The following PLCH1 variants were observed in gnomAD, a reference collection of about 807,000 sequenced individuals.
The protein encoded by PLCH1 is phospholipase C eta 1.
PLCH1 carries 60 observed loss-of-function variants against 126.7 expected under a neutral mutation model. That is an observed-to-expected ratio of 0.47 (90% CI 0.38 to 0.59). The LOEUF (loss-of-function observed/expected upper bound fraction) is 0.59, where lower values mean the gene tolerates loss of function less well. Among genes scored for constraint, PLCH1 ranks in the 20% least tolerant of loss-of-function variants. PLCH1 has a pLI of 0.00. For synonymous variants in PLCH1, 719 were observed against 734.9 expected, an observed-to-expected ratio of 0.98 and a Z score of 0.35; for missense variants, 1,723 against 2,040.0, an observed-to-expected ratio of 0.84 and a Z score of 2.99.
intron 2 of PLCH1, among the ~76,000 whole-genome samples, chr3:155,628,778 G>A (rs1559867239): frequency 6.6e-6 from 1 of 152,180 alleles, no homozygotes; most frequent in Non-Finnish European, 1.5e-5. Context: ...TATTTAAAGA[G>A]AAAGGGATGA....
chr3:155,452,368 T>C (rs1471051137), intron 21 of PLCH1, among the ~76,000 whole-genome samples: 1 of 152,154 alleles, frequency 6.6e-6, no homozygotes, highest in Non-Finnish European at 1.5e-5. Context: ...TATGGGAGTA[T>C]AATTCAAGGT....
intron 2 of PLCH1, among the ~76,000 whole-genome samples, chr3:155,702,520 T>C (rs1479922888): frequency 6.6e-6 from 1 of 152,172 alleles, no homozygotes; most frequent in Non-Finnish European, 1.5e-5. Flanking sequence ...GGATTCCGTA[T>C]GACAATGTTA....
At position 155,704,267 on chromosome 3, in the gene PLCH1, G is replaced by T; in HGVS notation, c.-40-3C>A. 1.2e-6 allele frequency: 1 copy of T among 858,746 alleles called. No homozygotes were observed. The highest frequency in any genetic ancestry group is 1.5e-6 in the Non-Finnish European group (1 of 647,048). 53.2% of individuals were successfully genotyped at this position (858,746 alleles called of 1,614,324 possible). The stretch of plus-strand genomic sequence containing the variant: ...CACAGCATCAAAACCAAATTGCCCT[G>T]TCAAGGGAAACAGAATGAGACAAAA... On this transcript the variant is annotated splice_polypyrimidine_tract_variant and splice_region_variant and intron_variant, in intron 1 of 22. Transcript: ENST00000460012.
rs1246517810 is a variant in PLCH1, at chr3:155,523,936, T to G, written c.1431A>C (p.Ala477=). 1 of 1,607,246 alleles carries G rather than the reference T, an allele frequency of 6.2e-7. No individual in the cohort carries two copies. Among genetic ancestry groups the G allele is most frequent in the Non-Finnish European group, 8.5e-7 (1 of 1,176,768 alleles). The change falls in exon 11 of 23, where the codon GCA becomes GCC. Residue 477 remains alanine, a synonymous_variant. Transcript: ENST00000460012. ...EEGEVSDEDS[A]DEIEDECKFK... is the part of the protein sequence containing the mutation. ...ATTTGCACTCGTCTTCAATTTCATC[T>G]GCACTGTCCTCATCAGAAACTTCCC...
chr3:155,594,373 C>A (rs1443561102), intron 3 of PLCH1, among the ~76,000 whole-genome samples, 189 bp from the exon 4 acceptor site: 2 of 151,808 alleles, frequency 1.3e-5, no homozygotes, highest in Non-Finnish European at 2.9e-5. Flanking sequence ...GAGTTCGAGA[C>A]CAGCCTGGGC....
In PLCH1 at chr3:155,591,420, G is replaced by A. The variant is rs1732155009; in HGVS notation, c.470+2521C>T. Among the ~76,000 whole-genome samples, 7 of 152,148 alleles carry A rather than the reference G, an allele frequency of 4.6e-5. No individual in the cohort carries two copies. The South Asian group carries it at 1.2e-3, about 27-fold the overall frequency. ...AGGTTCCCCCCTTTTCCAACTACATGTCTGTGTGAGGCCAGATTTTCTTCG... is the reference window on the plus strand; with the variant it reads ...AGGTTCCCCCCTTTTCCAACTACATATCTGTGTGAGGCCAGATTTTCTTCG... On this transcript the variant is annotated intron_variant, in intron 4 of 22. Coordinates refer to ENST00000460012, the MANE Select transcript of PLCH1 (RefSeq NM_014996.4).
intron 2 of PLCH1, among the ~76,000 whole-genome samples, chr3:155,641,814 T>C (rs1164853183): frequency 6.6e-6 from 1 of 152,122 alleles, no homozygotes; most frequent in Non-Finnish European, 1.5e-5. Flanking sequence ...TGAAAACTTA[T>C]ACTAAAACCT....
intron 1 of PLCH1, among the ~76,000 whole-genome samples, chr3:155,744,438 A>G (rs913827251): frequency 6.6e-6 from 1 of 152,170 alleles, no homozygotes; most frequent in Non-Finnish European, 1.5e-5. Flanking sequence ...GGAAACGCGG[A>G]CCTGCTCTCC....
At chr3:155,587,773 G>T (rs1020069071) in intron 4 of PLCH1, among the ~76,000 whole-genome samples, 1 of 152,170 alleles carries the variant, frequency 6.6e-6, no homozygotes, top group Non-Finnish European at 1.5e-5. Context: ...CAGATGAAAT[G>T]GTAACACAGG....
chr3:155,455,140 G>A (rs889820840), intron 21 of PLCH1, among the ~76,000 whole-genome samples: 2 of 152,074 alleles, frequency 1.3e-5, no homozygotes, highest in Non-Finnish European at 2.9e-5. Flanking sequence ...TTGTGTCACC[G>A]GAATGTGATG....
chr3:155,511,428 G>A (rs1398079623), intron 12 of PLCH1, among the ~76,000 whole-genome samples: 8 of 99,816 alleles, frequency 8.0e-5, no homozygotes, highest in African/African-American at 3.8e-4. Context: ...GAGGAGAGGC[G>A]CTCTGCGTTT....
intron 2 of PLCH1, among the ~76,000 whole-genome samples, chr3:155,677,087 C>T (rs935365348): frequency 1.8e-4 from 28 of 152,234 alleles, no homozygotes; most frequent in Non-Finnish European, 3.8e-4. Context: ...GCCTCTCATC[C>T]TGAGTATTAA....
chr3:155,488,461 T>C (rs930971421), intron 20 of PLCH1, among the ~76,000 whole-genome samples, 199 bp downstream of exon 20: 4 of 152,144 alleles, frequency 2.6e-5, no homozygotes, highest in Non-Finnish European at 5.9e-5. Context: ...CCTCCCAGAG[T>C]GCTGGGATTA....
intron 2 of PLCH1, among the ~76,000 whole-genome samples, chr3:155,697,060 G>A (rs757746409): frequency 2.0e-5 from 3 of 152,174 alleles, no homozygotes; most frequent in African/African-American, 4.8e-5. Flanking sequence ...ACCTTGCATA[G>A]AAAGCATGAC....
At chr3:155,620,595 C>A (rs1736342529) in intron 2 of PLCH1, among the ~76,000 whole-genome samples, 1 of 152,092 alleles carries the variant, frequency 6.6e-6, no homozygotes, top group Admixed American at 6.5e-5. Context: ...AGACAGCCAT[C>A]AAGAAAGAAC....
intron 2 of PLCH1, among the ~76,000 whole-genome samples, chr3:155,691,314 A>G (rs1201810926): frequency 6.6e-6 from 1 of 152,180 alleles, no homozygotes; most frequent in Non-Finnish European, 1.5e-5. Flanking sequence ...TCAACCTAAC[A>G]TTTCCTAATG....
chr3:155,565,007 TGAGAG>T lies in PLCH1; in HGVS notation c.972_976del (p.Ser325GlnfsTer32). On this transcript the variant is annotated frameshift_variant, in exon 8 of 23. Coordinates refer to ENST00000460012, the MANE Select transcript of PLCH1 (RefSeq NM_014996.4). LOFTEE classifies it high-confidence loss of function. ...CTGGTCTCCAGTCAGGTATGTATTGTGAGAGGAAGCAATGTAGTAGTTGCAGAGGG... is the reference window on the plus strand; with the variant it reads ...CTGGTCTCCAGTCAGGTATGTATTGTGAAGCAATGTAGTAGTTGCAGAGGG... 1 of 1,613,472 alleles carries T rather than the reference TGAGAG, an allele frequency of 6.2e-7. No homozygotes were observed. The highest frequency in any genetic ancestry group is 8.5e-7 in the Non-Finnish European group (1 of 1,179,410).
intron 2 of PLCH1, among the ~76,000 whole-genome samples, chr3:155,699,848 A>ACACACACACACACC (rs1491419516): frequency 9.5e-5 from 14 of 147,658 alleles, no homozygotes; most frequent in African/African-American, 3.2e-4. Context: ...ACACACACAC[A>ACACACACACACACC]CCACTACCTC....
chr3:155,651,014 G>T (rs1200789495), intron 2 of PLCH1, among the ~76,000 whole-genome samples: 2 of 152,050 alleles, frequency 1.3e-5, no homozygotes, highest in East Asian at 3.9e-4. Flanking sequence ...CTCCAGCCTG[G>T]GCAACAGAGC....
Sources: gnomAD v4.1 joint callset for allele counts (sites outside exome capture counted in the v4.1 genomes callset) on GRCh38, gnomAD v4.1.1 for gene constraint, MANE v1.5 for transcripts, NCBI Gene and HGNC (gene_info 2026-07-23, HGNC 2026-07-21) for gene names.